COL5A2: variants seen among roughly 807,000 people sequenced by gnomAD.
The protein encoded by COL5A2 is collagen alpha-2(V) chain.
In COL5A2, 23 loss-of-function variants were observed where a neutral mutation model predicts 208.2. That is an observed-to-expected ratio of 0.11 (90% confidence interval 0.08 to 0.16). The LOEUF (loss-of-function observed/expected upper bound fraction) is 0.16. COL5A2 is among the 10% of genes least tolerant of loss of function. The probability of loss-of-function intolerance (pLI) is 1.00; values close to 1 mark genes in which losing one functional copy is unlikely to be tolerated. For missense variants in COL5A2, 1,590 were observed against 1,956.4 expected (o/e 0.81, Z 3.53); for synonymous variants, 625 against 628.5 (o/e 0.99, Z 0.08).
intron 7 of COL5A2, among the ~76,000 whole-genome samples, chr2:189,090,487 A>G (rs1686761012): frequency 6.6e-6 from 1 of 152,234 alleles, no homozygotes; most frequent in African/African-American, 2.4e-5. Flanking sequence ...ACGTGGCTAC[A>G]CTCAACAATA....
chr2:189,395,395 C>A, the COL5A2 span, among the ~76,000 whole-genome samples: 1 of 152,130 alleles, frequency 6.6e-6, no homozygotes, highest in Non-Finnish European at 1.5e-5. Flanking sequence ...ATTTTAGTAT[C>A]TCTTTTTAGG....
the COL5A2 span, among the ~76,000 whole-genome samples, chr2:189,273,703 A>G: frequency 3.9e-5 from 6 of 152,196 alleles, no homozygotes; most frequent in East Asian, 5.8e-4. Flanking sequence ...GTCATTTGCA[A>G]CAATACAGAT....
upstream of COL5A2, among the ~76,000 whole-genome samples, chr2:189,225,907 T>C (rs1689410724): frequency 6.6e-6 from 1 of 152,178 alleles, no homozygotes; most frequent in African/African-American, 2.4e-5. Context: ...GACTCCTGGG[T>C]ACAGACTCTG....
chr2:189,347,324 A>G, the COL5A2 span, among the ~76,000 whole-genome samples: 1 of 152,216 alleles, frequency 6.6e-6, no homozygotes, highest in East Asian at 1.9e-4. Flanking sequence ...AAGCACATAT[A>G]AGCAGAAAAG....
chr2:189,081,614 A>G (rs114712560), intron 12 of COL5A2, among the ~76,000 whole-genome samples: 21,536 of 152,146 alleles, frequency 0.14, 1,486 homozygotes, highest in Middle Eastern at 0.18. Flanking sequence ...TGTTTAGAAA[A>G]AAACTTTGTG....
the COL5A2 span, among the ~76,000 whole-genome samples, chr2:189,315,010 G>A: frequency 5.3e-5 from 8 of 152,146 alleles, no homozygotes; most frequent in Admixed American, 4.6e-4. Flanking sequence ...GTACAAAGAA[G>A]AGCTAGTACC....
chr2:189,081,892 CTTA>C (rs1200632539), intron 12 of COL5A2, among the ~76,000 whole-genome samples: 2 of 152,116 alleles, frequency 1.3e-5, no homozygotes, highest in Non-Finnish European at 2.9e-5. Flanking sequence ...TAATTATTTA[CTTA>C]TTATTATGGC....
chr2:189,424,704 G>A, the COL5A2 span, among the ~76,000 whole-genome samples: 1 of 152,090 alleles, frequency 6.6e-6, no homozygotes, highest in Non-Finnish European at 1.5e-5. Context: ...TTGTATTCAT[G>A]GACTGAAATA....
At chr2:189,286,809 G>A in the COL5A2 span, among the ~76,000 whole-genome samples, 238 of 152,182 alleles carry the variant, frequency 1.6e-3, no homozygotes, top group African/African-American at 5.3e-3. Flanking sequence ...TAAAATCTTA[G>A]AATGTCTATT....
the COL5A2 span, among the ~76,000 whole-genome samples, chr2:189,424,386 G>A: frequency 6.6e-6 from 1 of 152,086 alleles, no homozygotes; most frequent in South Asian, 2.1e-4. Context: ...GGAAGAAGTT[G>A]TCTCTATTTG....
intron 33 of COL5A2, 107 bp downstream of exon 33, chr2:189,058,322 T>A: frequency 2.2e-6 from 2 of 919,142 alleles, no homozygotes; most frequent in Non-Finnish European, 3.5e-6. Flanking sequence ...AATGATATAA[T>A]CAAATTATCT....
chr2:189,311,370 C>A, the COL5A2 span: 2 of 959,728 alleles, frequency 2.1e-6, no homozygotes, highest in Non-Finnish European at 3.3e-6. Flanking sequence ...CTGTCCAGGG[C>A]ATCACCAAGA....
intron 1 of COL5A2, among the ~76,000 whole-genome samples, chr2:189,212,996 C>T (rs1689235367): frequency 6.6e-6 from 1 of 151,966 alleles, no homozygotes; most frequent in Non-Finnish European, 1.5e-5. Context: ...TCAAGCAATT[C>T]TCCTGCCTCA....
intron 29 of COL5A2, among the ~76,000 whole-genome samples, chr2:189,062,418 A>G (rs1186778303): frequency 6.6e-6 from 1 of 152,106 alleles, no homozygotes; most frequent in Non-Finnish European, 1.5e-5. Context: ...TCCTGACCTC[A>G]GGTAATCCAC....
intron 13 of COL5A2, 90 bp from the exon 14 acceptor site, chr2:189,080,121 C>T: frequency 1.0e-6 from 1 of 967,210 alleles, no homozygotes. Flanking sequence ...CAGAAATTGC[C>T]TTATAAAAAT....
At chr2:189,208,250 T>G (rs1442519012) in intron 1 of COL5A2, among the ~76,000 whole-genome samples, 1 of 152,166 alleles carries the variant, frequency 6.6e-6, no homozygotes, top group Non-Finnish European at 1.5e-5. Context: ...GTACTCCACA[T>G]AGCAGGAACC....
chr2:189,329,570 ATGT>A, the COL5A2 span, among the ~76,000 whole-genome samples: 356 of 152,288 alleles, frequency 2.3e-3, no homozygotes, highest in Middle Eastern at 6.8e-3. Context: ...ATATCAAAAC[ATGT>A]TGTATAGCAT....
chr2:189,257,900 G>A, the COL5A2 span, among the ~76,000 whole-genome samples: 1 of 152,216 alleles, frequency 6.6e-6, no homozygotes, highest in African/African-American at 2.4e-5. Flanking sequence ...AGATCACGAG[G>A]TCAGGAGATC....
intron 1 of COL5A2, among the ~76,000 whole-genome samples, chr2:189,118,063 G>T (rs1035745128): frequency 2.0e-5 from 3 of 151,984 alleles, no homozygotes; most frequent in Non-Finnish European, 2.9e-5. Context: ...CCAAGTAAGA[G>T]ATCTAGGCCA....
Sources: gnomAD v4.1 joint callset for allele counts (sites outside exome capture counted in the v4.1 genomes callset) on GRCh38, gnomAD v4.1.1 for gene constraint, MANE v1.5 for transcripts, NCBI Gene and HGNC (gene_info 2026-07-23, HGNC 2026-07-21) for gene names.